The following LPAR1 variants were observed in gnomAD, a reference collection of about 807,000 sequenced individuals.
The protein encoded by LPAR1 is lysophosphatidic acid receptor 1, also known as LPA receptor 1.
Under a neutral mutation model 23.8 loss-of-function variants are expected in LPAR1, and 5 were observed. The observed-to-expected ratio is 0.21, with a 90% CI of 0.11 to 0.44. The LOEUF (loss-of-function observed/expected upper bound fraction) is 0.44, where lower values mean the gene tolerates loss of function less well. Ranked by LOEUF, LPAR1 falls within the 20% of genes least tolerant of loss-of-function variation. The probability of loss-of-function intolerance (pLI) is 0.99; values close to 1 mark genes in which losing one functional copy is unlikely to be tolerated. For missense variants in LPAR1, 311 were observed against 482.8 expected, an observed-to-expected ratio of 0.64 and a Z score of 3.33; for synonymous variants, 160 against 164.7, an observed-to-expected ratio of 0.97 and a Z score of 0.22.
At chr9:110,961,945 C>A (rs2096007558) in intron 4 of LPAR1, among the ~76,000 whole-genome samples, 1 of 152,152 alleles carries the variant, frequency 6.6e-6, no homozygotes, top group Non-Finnish European at 1.5e-5. Flanking sequence ...ACAGTCAAAC[C>A]ATATCATGTA....
chr9:110,985,066 C>T (rs913153098), intron 2 of LPAR1, among the ~76,000 whole-genome samples: 1 of 152,060 alleles, frequency 6.6e-6, no homozygotes, highest in African/African-American at 2.4e-5. Context: ...GACTCTACCC[C>T]CTTCACTGAC....
chr9:111,006,948 A>T (rs2097229726), intron 2 of LPAR1, among the ~76,000 whole-genome samples: 1 of 151,994 alleles, frequency 6.6e-6, no homozygotes, highest in African/African-American at 2.4e-5. Flanking sequence ...ATCCCTCATG[A>T]ATGGTTCTGG....
At chr9:110,885,007 T>TG (rs1369663710) in intron 5 of LPAR1, among the ~76,000 whole-genome samples, 1 of 152,204 alleles carries the variant, frequency 6.6e-6, no homozygotes, top group Non-Finnish European at 1.5e-5. Flanking sequence ...TTTCACTACT[T>TG]GGTAGTGGCT....
At chr9:111,017,378 C>T (rs888695689) in intron 2 of LPAR1, among the ~76,000 whole-genome samples, 1 of 152,270 alleles carries the variant, frequency 6.6e-6, no homozygotes, top group Non-Finnish European at 1.5e-5. Context: ...TGAAGGTGGG[C>T]CTCCATCACT....
In LPAR1 at chr9:110,941,349, G is replaced by A; in HGVS notation, c.793+72C>T. The A allele has an allele frequency of 1.5e-6, 2 of 1,362,482 alleles. No individual in the cohort carries two copies. Among genetic ancestry groups the A allele is most frequent in the Non-Finnish European group, 2.0e-6 (2 of 999,310 alleles). The allele number at this position is 1,362,482 out of a possible 1,614,324, so 84.4% of individuals were successfully genotyped here. A position where few individuals can be genotyped will look rare whatever the true frequency, so the allele number is the denominator to read the frequency against. On this transcript the variant is annotated intron_variant, in intron 5 of 5. Transcript: ENST00000683809. This position sits in a 1 kb window ranked among gnomAD's most constrained non-coding sequence, Gnocchi z 6.1. ...AATATTCATACTGTTGGTTACCTCT[G>A]ACATAAAATAATGTGGTTTATGTTA...
intron 5 of LPAR1, among the ~76,000 whole-genome samples, chr9:110,936,643 T>C (rs949391874): frequency 2.0e-5 from 3 of 152,318 alleles, no homozygotes; most frequent in Admixed American, 6.5e-5. Flanking sequence ...AGGAGTAATT[T>C]AGCTTCCATG....
chr9:110,919,657 C>T (rs1448477388), intron 5 of LPAR1, among the ~76,000 whole-genome samples: 5 of 152,174 alleles, frequency 3.3e-5, no homozygotes, highest in Non-Finnish European at 7.3e-5. Flanking sequence ...CATCACTTAG[C>T]CAAGTTCTCC....
chr9:110,937,107 G>A (rs1394799144), intron 5 of LPAR1, among the ~76,000 whole-genome samples: 15 of 152,172 alleles, frequency 9.9e-5, no homozygotes, highest in Admixed American at 9.8e-4. Context: ...TAGTGCTGCT[G>A]CAACATGAAA....
chr9:110,931,839 T>C (rs984218003), intron 5 of LPAR1, among the ~76,000 whole-genome samples: 1 of 152,198 alleles, frequency 6.6e-6, no homozygotes, highest in Non-Finnish European at 1.5e-5. Context: ...TGTAGATATG[T>C]GGCATTATTT....
chr9:110,928,651 G>C (rs2094201728), intron 5 of LPAR1, among the ~76,000 whole-genome samples: 1 of 152,082 alleles, frequency 6.6e-6, no homozygotes, highest in South Asian at 2.1e-4. Flanking sequence ...TCTAAATAGA[G>C]CCTCTTTTGC....
At chr9:110,961,183 C>G (rs1362475176) in intron 4 of LPAR1, among the ~76,000 whole-genome samples, 5 of 146,592 alleles carry the variant, frequency 3.4e-5, no homozygotes, top group African/African-American at 1.3e-4. Context: ...ATTTTAGATA[C>G]TGAGAGCAAT....
At chr9:110,995,577 G>A (rs1394216863) in intron 2 of LPAR1, among the ~76,000 whole-genome samples, 1 of 152,130 alleles carries the variant, frequency 6.6e-6, no homozygotes, top group Non-Finnish European at 1.5e-5. Flanking sequence ...TGTACTAGAG[G>A]ATGAATTATT....
chr9:110,935,125 T>C (rs951402209), intron 5 of LPAR1, among the ~76,000 whole-genome samples: 1 of 152,144 alleles, frequency 6.6e-6, no homozygotes, highest in Admixed American at 6.5e-5. Flanking sequence ...CCACAATGTT[T>C]ACACCTAATC....
At chr9:110,917,259 G>C (rs1235584411) in intron 5 of LPAR1, among the ~76,000 whole-genome samples, 1 of 151,920 alleles carries the variant, frequency 6.6e-6, no homozygotes, top group Admixed American at 6.6e-5. Context: ...TGGGGAAGGA[G>C]CATCACTTGA....
chr9:111,030,450 G>A (rs1043469582), intron 2 of LPAR1, among the ~76,000 whole-genome samples: 1 of 152,108 alleles, frequency 6.6e-6, no homozygotes, highest in Non-Finnish European at 1.5e-5. Flanking sequence ...CTTCCAAGGC[G>A]GGGGTCCTCA....
At chr9:111,019,596 G>C (rs980617703) in intron 2 of LPAR1, among the ~76,000 whole-genome samples, 12 of 152,066 alleles carry the variant, frequency 7.9e-5, no homozygotes, top group African/African-American at 2.7e-4. Context: ...AAAGTTCCTT[G>C]GGAGGCCGAG....
chr9:110,968,913 A>ACCCTCTAT (rs2096313157), intron 4 of LPAR1, among the ~76,000 whole-genome samples: 5 of 152,134 alleles, frequency 3.3e-5, no homozygotes, highest in Non-Finnish European at 5.9e-5. Flanking sequence ...TGCTATGCTC[A>ACCCTCTAT]TTCCGTGGGT....
rs1029364479 is a variant in LPAR1, at chr9:110,956,249, G to T, written c.46-14081C>A. Among the ~76,000 whole-genome samples the T allele has an allele frequency of 1.1e-4, 16 of 145,226 alleles. 1 individual carries two copies. The Admixed American group carries it at 1.1e-3, about 10-fold the overall frequency. On this transcript the variant is annotated intron_variant, in intron 4 of 5. Coordinates refer to ENST00000683809, the MANE Select transcript of LPAR1 (RefSeq NM_001351411.2). ...TGGGGGCCTGTCGGGGGGTTGGGGG[G>T]CTAGGGGAGGGATAGCATTAGGAGA...
At chr9:111,022,912 GCA>G (rs2097585019) in intron 2 of LPAR1, among the ~76,000 whole-genome samples, 1 of 152,006 alleles carries the variant, frequency 6.6e-6, no homozygotes, top group African/African-American at 2.4e-5. Context: ...AATTAGCCGG[GCA>G]TGGTGGCGGG....
Sources: gnomAD v4.1 joint callset for allele counts (sites outside exome capture counted in the v4.1 genomes callset) on GRCh38, gnomAD v4.1.1 for gene constraint, Gnocchi (gnomAD v3.1) non-coding constraint, MANE v1.5 for transcripts, NCBI Gene and HGNC (gene_info 2026-07-23, HGNC 2026-07-21) for gene names.